The following CAMTA1 variants were observed in gnomAD, a reference collection of about 807,000 sequenced individuals.
CAMTA1 encodes the protein calmodulin binding transcription activator 1, also known as calmodulin-binding transcription activator 1.
Under a neutral mutation model 170.9 loss-of-function variants are expected in CAMTA1, and 27 were observed. That is an observed-to-expected ratio of 0.16 (90% CI 0.12 to 0.22). CAMTA1 has a LOEUF of 0.22. Ranked by LOEUF, CAMTA1 falls within the 10% of genes least tolerant of loss-of-function variation. The pLI is 1.00. For synonymous variants in CAMTA1, 833 were observed against 891.5 expected (o/e 0.93, Z 1.17); for missense variants, 1,619 against 2,217.2 (o/e 0.73, Z 5.42).
intron 11 of CAMTA1, among the ~76,000 whole-genome samples, chr1:7,701,964 A>T (rs1228242878): frequency 6.6e-6 from 1 of 152,080 alleles, no homozygotes; most frequent in Non-Finnish European, 1.5e-5. Flanking sequence ...CGCTGGCAGC[A>T]CTCGGGGCTT....
At chr1:7,666,181 A>G (rs972281438) in intron 9 of CAMTA1, among the ~76,000 whole-genome samples, 1 of 150,622 alleles carries the variant, frequency 6.6e-6, no homozygotes, top group Non-Finnish European at 1.5e-5. Flanking sequence ...AAAAAAAAAA[A>G]GAAAGAAAAA....
chr1:7,504,376 C>T (rs549614206), intron 6 of CAMTA1, among the ~76,000 whole-genome samples: 1 of 152,344 alleles, frequency 6.6e-6, no homozygotes, highest in Admixed American at 6.5e-5. Context: ...CCCCTTGCTG[C>T]CTGGGCTTGG....
chr1:7,180,742 G>A (rs991392584), intron 4 of CAMTA1, among the ~76,000 whole-genome samples: 2 of 151,952 alleles, frequency 1.3e-5, no homozygotes, highest in African/African-American at 4.8e-5. Flanking sequence ...GAGCACCGGG[G>A]CTCAAACGGT....
intron 5 of CAMTA1, among the ~76,000 whole-genome samples, chr1:7,451,118 G>A (rs61772211): frequency 6.6e-6 from 1 of 152,126 alleles, no homozygotes; most frequent in East Asian, 1.9e-4. Flanking sequence ...GGTCCAGAGA[G>A]CAAACCTCCT....
chr1:7,451,234 G>A (rs1379061015), intron 5 of CAMTA1, among the ~76,000 whole-genome samples: 1 of 152,194 alleles, frequency 6.6e-6, no homozygotes, highest in Admixed American at 6.5e-5. Context: ...ACTTCTTGCT[G>A]GGGAGCTGCT....
intron 4 of CAMTA1, among the ~76,000 whole-genome samples, chr1:7,103,864 C>A (rs575012189): frequency 2.1e-5 from 3 of 146,242 alleles, no homozygotes; most frequent in Non-Finnish European, 4.5e-5. Flanking sequence ...CACACATACA[C>A]ACACACACAA....
chr1:7,163,850 T>G (rs1424593983), intron 4 of CAMTA1, among the ~76,000 whole-genome samples: 1 of 152,206 alleles, frequency 6.6e-6, no homozygotes, highest in Non-Finnish European at 1.5e-5. Flanking sequence ...TATATGCTCT[T>G]AGCACCTGTC....
At chr1:7,043,956 C>T (rs1364535578) in intron 3 of CAMTA1, among the ~76,000 whole-genome samples, 1 of 152,168 alleles carries the variant, frequency 6.6e-6, no homozygotes, top group African/African-American at 2.4e-5. Context: ...GTTCTGGATG[C>T]AGGAGCTCAC....
intron 5 of CAMTA1, among the ~76,000 whole-genome samples, chr1:7,263,807 C>T (rs1225883983): frequency 1.3e-5 from 2 of 152,162 alleles, no homozygotes; most frequent in Non-Finnish European, 2.9e-5. Context: ...CAAGCATGAT[C>T]GAAGCCAACA....
rs1003037780 is a variant in CAMTA1 at position 6,886,482 on chromosome 1, C to G, written c.234+61272C>G. ...TGCTTTCCTTGTAAGAAGCCCACAG[C>G]TCTTCTCGCAGCATGCTCTTTTCAG... On this transcript the variant is annotated intron_variant, in intron 3 of 22. Coordinates refer to ENST00000303635, the MANE Select transcript of CAMTA1 (RefSeq NM_015215.4). 1.7e-5 allele frequency: 6 copies of G among 361,760 alleles called. No homozygotes were observed. The Admixed American group carries it at 1.9e-4, about 11-fold the overall frequency. 22.4% of individuals were successfully genotyped at this position (361,760 alleles called of 1,614,324 possible).
chr1:7,217,308 T>A (rs1390777161), intron 4 of CAMTA1, among the ~76,000 whole-genome samples: 1 of 152,232 alleles, frequency 6.6e-6, no homozygotes, highest in Admixed American at 6.5e-5. Flanking sequence ...TCCTGAGGCC[T>A]CTCCAACCAT....
Position 6,879,497 on chromosome 1 carries a change from G to A in CAMTA1, c.234+54287G>A, listed in dbSNP as rs543870570. ...GGTATTAGGTTGGCATTTTACATGTGGAATTTGAACCGGACTATGAAATCT... is the reference window on the plus strand; with the variant it reads ...GGTATTAGGTTGGCATTTTACATGTAGAATTTGAACCGGACTATGAAATCT... On this transcript the variant is annotated intron_variant, in intron 3 of 22. Coordinates refer to ENST00000303635, the MANE Select transcript of CAMTA1 (RefSeq NM_015215.4). 1.7e-3 allele frequency among the ~76,000 whole-genome samples: 263 copies of A among 152,296 alleles called. 1 individual carries two copies. Among genetic ancestry groups the A allele is most frequent in the African/African-American group, 6.1e-3 (254 of 41,568 alleles).
At chr1:6,801,406 T>C (rs1341612894) in intron 1 of CAMTA1, among the ~76,000 whole-genome samples, 2 of 152,198 alleles carry the variant, frequency 1.3e-5, no homozygotes, top group Non-Finnish European at 2.9e-5. Flanking sequence ...GCTCTGGTGC[T>C]GCTCCAAGTT....
chr1:7,351,858 G>T (rs539644159), intron 5 of CAMTA1, among the ~76,000 whole-genome samples: 1 of 152,196 alleles, frequency 6.6e-6, no homozygotes, highest in African/African-American at 2.4e-5. Flanking sequence ...TAAACAGAGC[G>T]TTATTACTAC....
chr1:7,400,022 G>C (rs1003394831), intron 5 of CAMTA1, among the ~76,000 whole-genome samples: 1 of 152,174 alleles, frequency 6.6e-6, no homozygotes, highest in Non-Finnish European at 1.5e-5. Flanking sequence ...TCTCTATCAA[G>C]ACTTGGACAA....
At chr1:6,937,771 A>G (rs557342760) in intron 3 of CAMTA1, among the ~76,000 whole-genome samples, 31 of 147,308 alleles carry the variant, frequency 2.1e-4, no homozygotes, top group Non-Finnish European at 4.3e-4. Flanking sequence ...CACCATCACC[A>G]TTCACCACTT....
chr1:7,177,688 C>T (rs1401252019), intron 4 of CAMTA1, among the ~76,000 whole-genome samples: 3 of 149,000 alleles, frequency 2.0e-5, no homozygotes, highest in African/African-American at 7.4e-5. Context: ...GCCCATATAC[C>T]AGTACCCCTC....
chr1:7,710,688 A>G (rs1284047255), intron 11 of CAMTA1, among the ~76,000 whole-genome samples: 2 of 151,794 alleles, frequency 1.3e-5, no homozygotes, highest in African/African-American at 4.8e-5. Context: ...CTCTAGATGT[A>G]CAATGATGTC....
intron 4 of CAMTA1, among the ~76,000 whole-genome samples, chr1:7,119,391 C>A (rs888351317): frequency 2.0e-5 from 3 of 152,114 alleles, no homozygotes; most frequent in Non-Finnish European, 4.4e-5. Flanking sequence ...CCACAGGGCT[C>A]CTAACCTCCC....
Sources: allele counts gnomAD v4.1 joint callset (sites outside exome capture counted in the v4.1 genomes callset), GRCh38; gene constraint gnomAD v4.1.1; transcripts MANE v1.5; gene names NCBI Gene and HGNC (gene_info 2026-07-23, HGNC 2026-07-21).